Variants in NSUN6 observed in about 807,000 individuals in gnomAD.
NSUN6 encodes the protein NOP2/Sun RNA methyltransferase 6, also known as tRNA (cytosine(72)-C(5))-methyltransferase NSUN6.
In NSUN6, 64 loss-of-function variants were observed where a neutral mutation model predicts 58.0. The observed-to-expected ratio is 1.10, with a 90% CI of 0.90 to 1.36. The LOEUF (loss-of-function observed/expected upper bound fraction) is 1.36, where lower values mean the gene tolerates loss of function less well. Among genes scored for constraint, NSUN6 ranks in the 40% most tolerant of loss-of-function variants. The pLI, the probability that NSUN6 is intolerant of heterozygous loss-of-function variation, is 0.00. For synonymous variants in NSUN6, 231 were observed against 193.9 expected (o/e 1.19, Z -1.59); for missense variants, 701 against 550.1 (o/e 1.27, Z -2.74).
At chr10:18,561,722 A>T (rs1449884204) in intron 8 of NSUN6, among the ~76,000 whole-genome samples, 32 of 149,000 alleles carry the variant, frequency 2.1e-4, no homozygotes, top group African/African-American at 7.0e-4. Flanking sequence ...GAATGGAGAA[A>T]GGAATAGAAT....
At chr10:18,598,978 T>A (rs890103789) in intron 6 of NSUN6, among the ~76,000 whole-genome samples, 1 of 152,168 alleles carries the variant, frequency 6.6e-6, no homozygotes, top group Non-Finnish European at 1.5e-5. Flanking sequence ...TGATTTGTAA[T>A]AAGTGAAAAA....
At chr10:18,554,745 G>T (rs987900822) in intron 8 of NSUN6, among the ~76,000 whole-genome samples, 1 of 151,492 alleles carries the variant, frequency 6.6e-6, no homozygotes, top group African/African-American at 2.4e-5. Context: ...TATGGGAATG[G>T]AATGGAGAAT....
rs2054622512 is a variant in NSUN6, at chr10:18,551,827, G to A, written c.1067C>T (p.Thr356Ile). The change falls in exon 9 of 11, where the codon ACT becomes ATT. Residue 356 changes from threonine to isoleucine, a missense_variant. By Grantham distance (89) the Thr-to-Ile change is moderately conservative. Transcript: ENST00000377304. ...SYQPLQRKLF[T>I]AAVQLLKPEG... is the part of the protein sequence containing the mutation. ...CAAAAACAGACCACCACATACTGCAGTGAAGAGTTTTCGCTGTAATGGCTG... is the reference window on the plus strand; with the variant it reads ...CAAAAACAGACCACCACATACTGCAATGAAGAGTTTTCGCTGTAATGGCTG... 6.2e-7 allele frequency: 1 copy of A among 1,612,508 alleles called. No individual in the cohort carries two copies. Among genetic ancestry groups the A allele is most frequent in the Non-Finnish European group, 8.5e-7 (1 of 1,179,214 alleles).
intron 3 of NSUN6, among the ~76,000 whole-genome samples, chr10:18,634,926 G>GCAGCTAGAAACTGGAATGAGAAA (rs2059162695): frequency 2.6e-5 from 4 of 152,178 alleles, no homozygotes; most frequent in Admixed American, 2.6e-4. Flanking sequence ...GGCTAGCTAA[G>GCAGCTAGAAACTGGAATGAGAAA]CAGCTAGAAA....
chr10:18,632,241 T>C (rs1045669068), intron 3 of NSUN6, among the ~76,000 whole-genome samples: 5 of 151,656 alleles, frequency 3.3e-5, no homozygotes, highest in Admixed American at 6.6e-5. Context: ...TTACACCTTA[T>C]ACAAAAATCA....
chr10:18,547,800 G>C (rs935848014), intron 10 of NSUN6, among the ~76,000 whole-genome samples: 2 of 151,832 alleles, frequency 1.3e-5, no homozygotes, highest in African/African-American at 4.8e-5. Flanking sequence ...GACTGGGAAG[G>C]AGAAAAAAAT....
At chr10:18,589,961 G>T (rs1425799313) in intron 7 of NSUN6, among the ~76,000 whole-genome samples, 3 of 152,054 alleles carry the variant, frequency 2.0e-5, no homozygotes, top group Non-Finnish European at 4.4e-5. Flanking sequence ...ATACAGACTA[G>T]TAAACTGGAT....
chr10:18,653,285 C>G (rs2059740269), upstream of NSUN6: 2 of 979,338 alleles, frequency 2.0e-6, no homozygotes, highest in Non-Finnish European at 2.4e-6. Context: ...ATGAACATCT[C>G]TATAAACTAT....
intron 7 of NSUN6, among the ~76,000 whole-genome samples, chr10:18,587,252 G>A (rs1024450957): frequency 3.9e-5 from 6 of 152,052 alleles, no homozygotes; most frequent in Admixed American, 6.6e-5. Context: ...ATTAGACGGC[G>A]GCCTTAAAGT....
intron 9 of NSUN6, among the ~76,000 whole-genome samples, chr10:18,549,028 C>A (rs1246895303): frequency 1.3e-5 from 2 of 152,158 alleles, no homozygotes; most frequent in African/African-American, 4.8e-5. Flanking sequence ...CCTACTTCAT[C>A]AACCTGCTTT....
intron 7 of NSUN6, among the ~76,000 whole-genome samples, chr10:18,595,859 T>A (rs1006240051): frequency 6.6e-6 from 1 of 152,206 alleles, no homozygotes; most frequent in African/African-American, 2.4e-5. Context: ...CACACTTTGA[T>A]AATATACTGT....
In NSUN6 at chr10:18,604,130, T is replaced by TG. The variant is rs372026299; in HGVS notation, c.657+5714dup. On this transcript the variant is annotated intron_variant, in intron 6 of 10. Transcript: ENST00000377304. ...CTGGGAGGCGGAGGCTGCAGTGAGC[T>TG]GAGATCGTGCCGCTGCACTCCAGCC... is the stretch of plus-strand genomic sequence containing the variant. 5.0e-3 allele frequency among the ~76,000 whole-genome samples: 759 copies of TG among 152,164 alleles called. 6 individuals are homozygous for TG. Among genetic ancestry groups the TG allele is most frequent in the African/African-American group, 0.017 (721 of 41,526 alleles).
At chr10:18,623,836 C>A (rs983787274) in intron 3 of NSUN6, among the ~76,000 whole-genome samples, 1 of 152,164 alleles carries the variant, frequency 6.6e-6, no homozygotes, top group Non-Finnish European at 1.5e-5. Flanking sequence ...CAGAGAGCCT[C>A]GGCTCTGCTC....
chr10:18,645,258 C>A (rs1371285356), intron 2 of NSUN6, among the ~76,000 whole-genome samples: 5 of 102,088 alleles, frequency 4.9e-5, no homozygotes, highest in Admixed American at 1.9e-4. Flanking sequence ...ACCAGATTGT[C>A]CACATGGCTG....
At chr10:18,603,666 A>G (rs2057938007) in intron 6 of NSUN6, among the ~76,000 whole-genome samples, 1 of 151,904 alleles carries the variant, frequency 6.6e-6, no homozygotes, top group African/African-American at 2.4e-5. Flanking sequence ...TAGTAGAGAC[A>G]GAGTTTCACC....
At chr10:18,601,067 T>G (rs187950197) in intron 6 of NSUN6, among the ~76,000 whole-genome samples, 110 of 148,956 alleles carry the variant, frequency 7.4e-4, no homozygotes, top group Non-Finnish European at 5.9e-5. Flanking sequence ...ACTCACCTTA[T>G]GAACTACCTC....
At chr10:18,554,047 AGAATG>A (rs538886942) in intron 8 of NSUN6, among the ~76,000 whole-genome samples, 148 of 151,756 alleles carry the variant, frequency 9.8e-4, no homozygotes, top group African/African-American at 3.5e-3. Flanking sequence ...ACTCAAATGG[AGAATG>A]GAATGGAATG....
intron 3 of NSUN6, among the ~76,000 whole-genome samples, chr10:18,631,836 A>T (rs1365340638): frequency 6.6e-6 from 1 of 152,190 alleles, no homozygotes; most frequent in Non-Finnish European, 1.5e-5. Context: ...TGCCCAAGGT[A>T]ATTTGTAGAT....
At chr10:18,621,090 T>C (rs901899710) in intron 3 of NSUN6, among the ~76,000 whole-genome samples, 1 of 152,240 alleles carries the variant, frequency 6.6e-6, no homozygotes, top group Non-Finnish European at 1.5e-5. Context: ...AGTGGCTCAC[T>C]GTGCCTGAAT....
Sources: gnomAD v4.1 joint callset for allele counts (sites outside exome capture counted in the v4.1 genomes callset) on GRCh38, gnomAD v4.1.1 for gene constraint, MANE v1.5 for transcripts, NCBI Gene and HGNC (gene_info 2026-07-23, HGNC 2026-07-21) for gene names.